The following RRM2 variants were observed in gnomAD, a reference collection of about 807,000 sequenced individuals.
RRM2 encodes ribonucleoside-diphosphate reductase subunit M2.
RRM2 carries 6 observed loss-of-function variants against 45.9 expected under a neutral mutation model. That is an observed-to-expected ratio of 0.13 (90% confidence interval 0.07 to 0.26). The LOEUF is 0.26. Among genes scored for constraint, RRM2 ranks in the 10% least tolerant of loss-of-function variants. The pLI is 1.00. For synonymous variants in RRM2, 177 were observed against 173.0 expected, an observed-to-expected ratio of 1.02 and a Z score of -0.18; for missense variants, 343 against 489.5, an observed-to-expected ratio of 0.70 and a Z score of 2.82.
At chr2:10,143,593 G>C (rs951952862) in intron 3 of RRM2, among the ~76,000 whole-genome samples, 1 of 152,136 alleles carries the variant, frequency 6.6e-6, no homozygotes, top group Admixed American at 6.6e-5. Flanking sequence ...AGGTTGCACT[G>C]GGGGGGCCTG....
downstream of RRM2, among the ~76,000 whole-genome samples, chr2:10,134,571 A>C (rs1339539080): frequency 6.6e-6 from 1 of 152,240 alleles, no homozygotes; most frequent in Admixed American, 6.5e-5. Flanking sequence ...GCCTGGTTGC[A>C]CAGGATTCCC....
chr2:10,128,199 T>C (rs75249934), intron 7 of RRM2, among the ~76,000 whole-genome samples: 4,627 of 152,228 alleles, frequency 0.03, 113 homozygotes, highest in Middle Eastern at 0.065. Flanking sequence ...TCCTGTTTGA[T>C]CTAGAAATTG....
intron 3 of RRM2, chr2:10,142,435 C>T (rs1001984005): frequency 1.5e-5 from 20 of 1,358,602 alleles, no homozygotes; most frequent in East Asian, 9.1e-5. Context: ...AGGTGGCTTG[C>T]GGGGCCTGTC....
chr2:10,148,364 A>C (rs1465053154), intron 3 of RRM2, among the ~76,000 whole-genome samples: 2 of 151,578 alleles, frequency 1.3e-5, no homozygotes, highest in African/African-American at 4.9e-5. Flanking sequence ...ATTTGCTGAA[A>C]TTCCTTCTCC....
chr2:10,164,712 G>A (rs1006557977), intron 3 of RRM2, among the ~76,000 whole-genome samples: 1 of 152,190 alleles, frequency 6.6e-6, no homozygotes, highest in African/African-American at 2.4e-5. Context: ...ATCCAACCCT[G>A]GGGACCACCC....
chr2:10,187,357 G>C (rs1296155816), intron 3 of RRM2, among the ~76,000 whole-genome samples: 1 of 152,278 alleles, frequency 6.6e-6, no homozygotes, highest in Non-Finnish European at 1.5e-5. Flanking sequence ...CGCAGGCTCA[G>C]AGGGGGCGTG....
intron 3 of RRM2, among the ~76,000 whole-genome samples, chr2:10,151,398 A>G (rs1486997480): frequency 6.6e-6 from 1 of 151,226 alleles, no homozygotes; most frequent in Non-Finnish European, 1.5e-5. Flanking sequence ...CCTTGGTTCA[A>G]GCGATTCTCC....
rs1274240909 is a variant in RRM2, at chr2:10,169,586, C to T, written n.482+27211C>T. Among the ~76,000 whole-genome samples, 15 of 152,144 alleles carry T rather than the reference C, an allele frequency of 9.9e-5. No individual in the cohort carries two copies. On this transcript the variant is annotated intron_variant and non_coding_transcript_variant, in intron 3 of 3. Coordinates refer to the RRM2 transcript ENST00000381786. The surrounding 1 kb of genome is among the most constrained non-coding windows in gnomAD (Gnocchi z 5.1). ...GTTGGGGAGGCGCAGGGGGGCTCCC[C>T]AGCAGAGGGAGGGCATTTGAAGACG... is the stretch of plus-strand genomic sequence containing the variant.
At chr2:10,182,932 C>CT (rs1322374934) in intron 3 of RRM2, among the ~76,000 whole-genome samples, 1 of 152,198 alleles carries the variant, frequency 6.6e-6, no homozygotes, top group African/African-American at 2.4e-5. Flanking sequence ...GATCCCAACA[C>CT]TTTGAGAGGC....
chr2:10,200,460 C>CTG (rs1290690673), intron 3 of RRM2, among the ~76,000 whole-genome samples: 6 of 82,414 alleles, frequency 7.3e-5, no homozygotes, highest in South Asian at 4.1e-4. Flanking sequence ...CCCACAGGGA[C>CTG]CGCGCGCGCA....
rs371759988 is a variant in RRM2 at position 10,142,354 on chromosome 2, G to A, written n.461G>A. On this transcript the variant is annotated non_coding_transcript_exon_variant, in exon 3 of 4. Coordinates refer to the RRM2 transcript ENST00000381786. ...TTACTCGGGGTGCGCCAGTGGAAGC[G>A]GGAGGCAGTTGCAGCTTTCAGGTGA... is the stretch of plus-strand genomic sequence containing the variant. 8.0e-6 allele frequency: 11 copies of A among 1,375,252 alleles called. No individual in the cohort carries two copies. In the East Asian group the frequency reaches 2.2e-4, roughly 28 times the overall value. The allele number at this position is 1,375,252 out of a possible 1,614,324, so 85.2% of individuals were successfully genotyped here.
chr2:10,132,842 G>C (rs1391745532), downstream of RRM2, among the ~76,000 whole-genome samples: 1 of 152,160 alleles, frequency 6.6e-6, no homozygotes, highest in Admixed American at 6.5e-5. Flanking sequence ...CCCTGTGGGT[G>C]GCCTGCAGTC....
rs538420047 is a variant in RRM2 at position 10,178,078 on chromosome 2, C to T, written n.483-32233C>T. ...CTGGGACTACAGGTGCCCACCAACA[C>T]GCCCGGCTAATTTTTTTTTTCGTAT... On this transcript the variant is annotated intron_variant and non_coding_transcript_variant, in intron 3 of 3. Transcript: ENST00000381786. Among the ~76,000 whole-genome samples, 10 of 151,956 alleles carry T rather than the reference C, an allele frequency of 6.6e-5. No homozygotes were observed. The South Asian group carries it at 1.9e-3, about 28-fold the overall frequency.
At chr2:10,200,197 G>C (rs1035160073) in intron 3 of RRM2, among the ~76,000 whole-genome samples, 4 of 152,070 alleles carry the variant, frequency 2.6e-5, no homozygotes, top group African/African-American at 9.7e-5. Context: ...TTTTAAGTTG[G>C]CTTCAAAAAA....
chr2:10,184,067 T>C (rs914743468), intron 3 of RRM2, among the ~76,000 whole-genome samples: 1 of 113,338 alleles, frequency 8.8e-6, no homozygotes, highest in Non-Finnish European at 1.6e-5. Context: ...CACTACAGCC[T>C]GGGTGACAGA....
intron 3 of RRM2, among the ~76,000 whole-genome samples, chr2:10,176,966 C>T (rs1663928243): frequency 6.6e-6 from 1 of 152,110 alleles, no homozygotes; most frequent in Admixed American, 6.6e-5. Flanking sequence ...ACTGATTGAG[C>T]CGGGTACAGT....
Position 10,152,810 on chromosome 2 carries a change from C to T in RRM2, n.482+10435C>T, listed in dbSNP as rs143955812. 6.3e-4 allele frequency among the ~76,000 whole-genome samples: 95 copies of T among 151,944 alleles called. 1 individual carries two copies. The East Asian group carries it at 0.015, about 24-fold the overall frequency. Reference sequence around the variant, plus strand: ...TGTGTACTATTCTTAAGAAATCTTTCCCTGTGGTGAAAAGGGAACTCTTGG... The same window carrying T: ...TGTGTACTATTCTTAAGAAATCTTTTCCTGTGGTGAAAAGGGAACTCTTGG... On this transcript the variant is annotated intron_variant and non_coding_transcript_variant, in intron 3 of 3. Coordinates refer to the RRM2 transcript ENST00000381786.
At chr2:10,136,625 T>C (rs960784258), upstream of RRM2, among the ~76,000 whole-genome samples, 4 of 152,030 alleles carry the variant, frequency 2.6e-5, no homozygotes, top group African/African-American at 9.7e-5. Flanking sequence ...TTTTAAAAAT[T>C]AGCCATGTGT....
downstream of RRM2, among the ~76,000 whole-genome samples, chr2:10,134,425 G>A (rs1394389827): frequency 6.6e-6 from 1 of 152,096 alleles, no homozygotes; most frequent in Non-Finnish European, 1.5e-5. Flanking sequence ...CCAGTGACAC[G>A]GGAACTAGAC....
Sources: gnomAD v4.1 joint callset for allele counts (sites outside exome capture counted in the v4.1 genomes callset) on GRCh38, gnomAD v4.1.1 for gene constraint, Gnocchi (gnomAD v3.1) non-coding constraint, MANE v1.5 for transcripts, NCBI Gene and HGNC (gene_info 2026-07-23, HGNC 2026-07-21) for gene names.